The following CFAP61 variants were observed in gnomAD, a reference collection of about 807,000 sequenced individuals.
CFAP61 encodes cilia- and flagella-associated protein 61.
Under a neutral mutation model 135.6 loss-of-function variants are expected in CFAP61, and 107 were observed. The observed-to-expected ratio is 0.79, with a 90% CI of 0.67 to 0.93. The LOEUF (loss-of-function observed/expected upper bound fraction) is 0.93, where lower values mean the gene tolerates loss of function less well. CFAP61 is among the 40% of genes least tolerant of loss of function. The pLI, the probability that CFAP61 is intolerant of heterozygous loss-of-function variation, is 0.00. For synonymous variants in CFAP61, 575 were observed against 578.5 expected (o/e 0.99, Z 0.09); for missense variants, 1,507 against 1,556.2 (o/e 0.97, Z 0.53).
intron 13 of CFAP61, among the ~76,000 whole-genome samples, chr20:20,187,595 T>A (rs543855770): frequency 8.9e-4 from 135 of 152,332 alleles, no homozygotes; most frequent in Non-Finnish European, 1.6e-3. Context: ...ATGTGACTTC[T>A]TTGTAACATA....
At chr20:20,341,953 C>T (rs1417156147) in intron 26 of CFAP61, 32 bp downstream of exon 26, 1 of 1,450,264 alleles carries the variant, frequency 6.9e-7, no homozygotes, top group Non-Finnish European at 9.6e-7. Flanking sequence ...GTGGATTATT[C>T]CTTGCAAATT....
chr20:20,154,501 A>G (rs2052717186), intron 9 of CFAP61, among the ~76,000 whole-genome samples: 1 of 152,142 alleles, frequency 6.6e-6, no homozygotes, highest in Non-Finnish European at 1.5e-5. Flanking sequence ...TATTCAGTAA[A>G]GTCTCAGGTT....
At chr20:20,207,332 T>A (rs2146907941) in intron 17 of CFAP61, among the ~76,000 whole-genome samples, 1 of 152,158 alleles carries the variant, frequency 6.6e-6, no homozygotes, top group East Asian at 1.9e-4. Context: ...AAAGAAAAAA[T>A]TCTAAGGATT....
At chr20:20,151,674 A>G (rs771126406) in intron 9 of CFAP61, among the ~76,000 whole-genome samples, 16 of 151,794 alleles carry the variant, frequency 1.1e-4, no homozygotes, top group Admixed American at 2.0e-4. Flanking sequence ...AAAATACAAA[A>G]ACAAAATTAG....
At chr20:20,121,079 T>A (rs60267168) in intron 8 of CFAP61, among the ~76,000 whole-genome samples, 14,388 of 150,902 alleles carry the variant, frequency 0.095, 1,455 homozygotes, top group East Asian at 0.59. Context: ...TATCTATTCA[T>A]TTGCTCTATG....
At chr20:20,241,759 A>C (rs891744732) in intron 18 of CFAP61, among the ~76,000 whole-genome samples, 1 of 152,154 alleles carries the variant, frequency 6.6e-6, no homozygotes, top group Non-Finnish European at 1.5e-5. Flanking sequence ...GCTGGGGTAA[A>C]TTTTAACTGC....
chr20:20,328,841 C>T (rs139395608), intron 25 of CFAP61, among the ~76,000 whole-genome samples: 1 of 152,256 alleles, frequency 6.6e-6, no homozygotes, highest in East Asian at 1.9e-4. Flanking sequence ...GATGTCACCT[C>T]GTACCCGATA....
chr20:20,094,936 G>A (rs1445032764), intron 7 of CFAP61, among the ~76,000 whole-genome samples: 1 of 152,192 alleles, frequency 6.6e-6, no homozygotes, highest in Admixed American at 6.5e-5. Flanking sequence ...GCTGGAGCCA[G>A]CTTGCTCTGG....
chr20:20,359,495 T>C lies in CFAP61; in HGVS notation c.3514-715T>C, dbSNP rs2059396393. On this transcript the variant is annotated intron_variant, in intron 26 of 26. Coordinates refer to ENST00000245957, the MANE Select transcript of CFAP61 (RefSeq NM_015585.4). The surrounding 1 kb of genome is among the most constrained non-coding windows in gnomAD (Gnocchi z 4.0). ...GCCTGACCAACATGGAGAGACCCTG[T>C]CCCTACTAAATATACAAAATTAGCC... is the stretch of plus-strand genomic sequence containing the variant. Among the ~76,000 whole-genome samples, 1 of 152,058 alleles carries C rather than the reference T, an allele frequency of 6.6e-6. No individual in the cohort carries two copies. Among genetic ancestry groups the C allele is most frequent in the South Asian group, 2.1e-4 (1 of 4,820 alleles).
In CFAP61 at chr20:20,169,328, A is replaced by G; in HGVS notation, c.1253A>G (p.Asn418Ser). Residue 418 changes from asparagine to serine, a missense_variant, in exon 13 of 27, where the codon AAC (asparagine) becomes AGC (serine). Asn to Ser is a conservative substitution (Grantham distance 46, BLOSUM62 1). Transcript: ENST00000245957. Reference sequence around the variant, plus strand: ...GGTTTTTGATGATGTTAGGATAAGAACTTCTGTGTAATTTCTCTGCCCCAT... The same window carrying G: ...GGTTTTTGATGATGTTAGGATAAGAGCTTCTGTGTAATTTCTCTGCCCCAT... Reference protein sequence around the residue: ...NFVFSLFSDKNFCVISLPHLT... With the variant: ...NFVFSLFSDKSFCVISLPHLT... 1 of 1,613,344 alleles carries G rather than the reference A, an allele frequency of 6.2e-7. No individual in the cohort carries two copies. The highest frequency in any genetic ancestry group is 8.5e-7 in the Non-Finnish European group (1 of 1,179,646).
At chr20:20,095,022 A>G (rs2047466004) in intron 7 of CFAP61, among the ~76,000 whole-genome samples, 1 of 152,198 alleles carries the variant, frequency 6.6e-6, no homozygotes, top group African/African-American at 2.4e-5. Flanking sequence ...TAAAAATTAA[A>G]TTATAGAAAC....
intron 25 of CFAP61, among the ~76,000 whole-genome samples, chr20:20,310,877 TC>T (rs2122194162): frequency 6.6e-6 from 1 of 152,282 alleles, no homozygotes; most frequent in South Asian, 2.1e-4. Flanking sequence ...AAGCACCTCC[TC>T]AGGGTGTTCC....
intron 25 of CFAP61, among the ~76,000 whole-genome samples, chr20:20,300,671 C>T (rs1206912219): frequency 6.7e-6 from 1 of 149,554 alleles, no homozygotes; most frequent in Non-Finnish European, 1.5e-5. Context: ...GTGGCATGAG[C>T]TCGGCTCACT....
intron 9 of CFAP61, among the ~76,000 whole-genome samples, chr20:20,150,717 A>ATTGTATCACAGGAC (rs1569010310): frequency 1.3e-5 from 2 of 152,176 alleles, no homozygotes; most frequent in Admixed American, 1.3e-4. Flanking sequence ...CTGAAGATAG[A>ATTGTATCACAGGAC]TTGTATCACA....
intron 22 of CFAP61, among the ~76,000 whole-genome samples, chr20:20,278,486 C>T (rs1468249696): frequency 1.3e-5 from 2 of 152,014 alleles, no homozygotes; most frequent in Non-Finnish European, 2.9e-5. Context: ...GAACCTTGCT[C>T]GAAAGGGAAG....
At position 20,070,993 on chromosome 20, in the gene CFAP61, A is replaced by G; in HGVS notation, c.283A>G (p.Ile95Val). The G allele has an allele frequency of 2.5e-6, 4 of 1,614,034 alleles. No individual in the cohort carries two copies. The highest frequency in any genetic ancestry group is 3.4e-6 in the Non-Finnish European group (4 of 1,179,954). ...VSVFRELDSD[I>V]PCTPLNTLFM... is the part of the protein sequence containing the mutation. ...AGTGTTCCGGGAGCTCGACAGTGAC[A>G]TCCCATGCACAGTAAGAAATCACAT... The change falls in exon 3 of 27, where the codon ATC becomes GTC. Residue 95 changes from isoleucine (I) to valine (V), a missense_variant. Coordinates refer to ENST00000245957, the MANE Select transcript of CFAP61 (RefSeq NM_015585.4).
chr20:20,258,005 A>G (rs565431496), intron 20 of CFAP61, among the ~76,000 whole-genome samples: 2 of 152,350 alleles, frequency 1.3e-5, no homozygotes, highest in East Asian at 3.9e-4. Context: ...AACAGACACA[A>G]TGGTTAAAAG....
intron 14 of CFAP61, among the ~76,000 whole-genome samples, chr20:20,190,002 C>G (rs57485421): frequency 0.083 from 12,601 of 152,194 alleles, 1,282 homozygotes; most frequent in East Asian, 0.56. Flanking sequence ...CCAGGCTGGT[C>G]TCGAACTCCT....
In CFAP61 at chr20:20,056,777, C is replaced by G. The variant is rs1203560271; in HGVS notation, c.124C>G (p.Leu42Val). 3 of 1,613,858 alleles carry G rather than the reference C, an allele frequency of 1.9e-6. No individual in the cohort carries two copies. Among genetic ancestry groups the G allele is most frequent in the African/African-American group, 2.7e-5 (2 of 74,900 alleles). The change falls in exon 2 of 27, where the codon CTA becomes GTA. Residue 42 changes from leucine to valine, a missense_variant. Physicochemically the swap from Leu to Val is conservative, Grantham distance 32. Transcript: ENST00000245957. ...ATTTACCTGCAAGCTGTTTGGGAAGCTAAATATCATCTATCTTCTGTAAGT... is the reference window on the plus strand; with the variant it reads ...ATTTACCTGCAAGCTGTTTGGGAAGGTAAATATCATCTATCTTCTGTAAGT... ...RKFTCKLFGKLNIIYLLEKAN... is the reference protein window; with the variant it reads ...RKFTCKLFGKVNIIYLLEKAN...
Sources: allele counts gnomAD v4.1 joint callset (sites outside exome capture counted in the v4.1 genomes callset), GRCh38; gene constraint gnomAD v4.1.1; non-coding constraint Gnocchi (gnomAD v3.1); transcripts MANE v1.5; gene names NCBI Gene and HGNC (gene_info 2026-07-23, HGNC 2026-07-21).